Variants in MTOR observed in about 807,000 individuals in gnomAD.
The protein encoded by MTOR is mechanistic target of rapamycin kinase, also known as serine/threonine-protein kinase mTOR.
MTOR carries 70 observed loss-of-function variants against 319.8 expected under a neutral mutation model. That is an observed-to-expected ratio of 0.22 (90% CI 0.18 to 0.27). MTOR has a LOEUF of 0.27. Ranked by LOEUF, MTOR falls within the 10% of genes least tolerant of loss-of-function variation. The pLI, the probability that MTOR is intolerant of heterozygous loss-of-function variation, is 1.00. For missense variants in MTOR, 1,890 were observed against 3,274.4 expected, an observed-to-expected ratio of 0.58 and a Z score of 10.32; for synonymous variants, 1,183 against 1,211.4, an observed-to-expected ratio of 0.98 and a Z score of 0.49.
At chr1:11,236,630 T>A (rs1376829990) in intron 13 of MTOR, among the ~76,000 whole-genome samples, 4 of 150,806 alleles carry the variant, frequency 2.7e-5, no homozygotes, top group Non-Finnish European at 5.9e-5. Flanking sequence ...TGCACCAGCC[T>A]CCAGAGTAGC....
chr1:11,227,738 T>C (rs1646892299), intron 19 of MTOR, among the ~76,000 whole-genome samples: 1 of 152,154 alleles, frequency 6.6e-6, no homozygotes, highest in Non-Finnish European at 1.5e-5. Context: ...GGAGAAGGAA[T>C]AGCAAAATTA....
chr1:11,252,539 T>C (rs1016614550), intron 6 of MTOR, among the ~76,000 whole-genome samples: 1 of 152,048 alleles, frequency 6.6e-6, no homozygotes, highest in Non-Finnish European at 1.5e-5. Flanking sequence ...ATGAGGTAGG[T>C]AAGAGCCCCT....
chr1:11,146,813 G>T, intron 31 of MTOR, 22 bp from the exon 32 acceptor site: 3 of 1,582,844 alleles, frequency 1.9e-6, no homozygotes, highest in South Asian at 2.2e-5. Context: ...CACATAGACA[G>T]AAAGCATCAA....
chr1:11,107,030 T>C lies in MTOR; in HGVS notation c.*455A>G. ...TGGCAGGGGTGAGGTCAGCATCTTCTGTGTCTTTACAGTCTAGGATCCTAA... is the reference window on the plus strand; with the variant it reads ...TGGCAGGGGTGAGGTCAGCATCTTCCGTGTCTTTACAGTCTAGGATCCTAA... On this transcript the variant is annotated 3_prime_UTR_variant, in exon 58 of 58. Coordinates refer to ENST00000361445, the MANE Select transcript of MTOR (RefSeq NM_004958.4). 1 of 1,371,270 alleles carries C rather than the reference T, an allele frequency of 7.3e-7. No homozygotes were observed. Among genetic ancestry groups the C allele is most frequent in the Non-Finnish European group, 9.6e-7 (1 of 1,039,218 alleles). The allele number at this position is 1,371,270 out of a possible 1,614,324, so 84.9% of individuals were successfully genotyped here. A position where few individuals can be genotyped will look rare whatever the true frequency, so the allele number is the denominator to read the frequency against.
chr1:11,195,164 AG>A, intron 28 of MTOR: 1 of 953,262 alleles, frequency 1.0e-6, no homozygotes, highest in Non-Finnish European at 1.5e-6. Flanking sequence ...TAAGTCTCCA[AG>A]GAGCACAAAA....
At position 11,231,286 on chromosome 1, in the gene MTOR, G is replaced by A. The variant is rs371273764; in HGVS notation, c.2649+14C>T. On this transcript the variant is annotated intron_variant, in intron 17 of 57. Coordinates refer to ENST00000361445, the MANE Select transcript of MTOR (RefSeq NM_004958.4). ...AGCAAAGTCTTTAAAGACCAAGTTT[G>A]CCACGTCCCCTACCTCTCTGCGTGT... 3 of 1,613,548 alleles carry A rather than the reference G, an allele frequency of 1.9e-6. No homozygotes were observed. Among genetic ancestry groups the A allele is most frequent in the African/African-American group, 2.7e-5 (2 of 74,878 alleles).
At chr1:11,242,483 AAAGT>A (rs1437504790) in intron 9 of MTOR, among the ~76,000 whole-genome samples, 1 of 137,982 alleles carries the variant, frequency 7.2e-6, no homozygotes, top group African/African-American at 2.5e-5. Flanking sequence ...CTGGGCAACC[AAAGT>A]AAGACTCCAT....
At chr1:11,155,414 C>CA (rs906152603) in intron 30 of MTOR, among the ~76,000 whole-genome samples, 10 of 148,538 alleles carry the variant, frequency 6.7e-5, no homozygotes, top group Middle Eastern at 3.5e-3. Context: ...AAAATGGCAG[C>CA]AAAAAAAAAA....
intron 26 of MTOR, 39 bp downstream of exon 26, chr1:11,204,522 T>C: frequency 6.3e-7 from 1 of 1,579,412 alleles, no homozygotes; most frequent in Non-Finnish European, 8.6e-7. Context: ...TATCGTTTTC[T>C]ATGTGCTGAT....
chr1:11,123,736 C>T (rs778987540), intron 47 of MTOR, among the ~76,000 whole-genome samples: 37 of 151,770 alleles, frequency 2.4e-4, no homozygotes, highest in Non-Finnish European at 5.2e-4. Flanking sequence ...TCCAAAGTGT[C>T]GGGATTACAT....
intron 25 of MTOR, among the ~76,000 whole-genome samples, chr1:11,206,907 T>A (rs1646154721): frequency 1.3e-5 from 2 of 152,252 alleles, no homozygotes; most frequent in African/African-American, 4.8e-5. Context: ...TCTAGAAGTA[T>A]ACATAAATGG....
chr1:11,241,775 C>G (rs779306769), intron 9 of MTOR, 94 bp from the exon 10 acceptor site: 66 of 1,461,892 alleles, frequency 4.5e-5, no homozygotes, highest in Non-Finnish European at 5.9e-5. Flanking sequence ...GCAGGTTACT[C>G]AGGCAGGGCT....
At chr1:11,259,509 T>C (rs17229137) in intron 1 of MTOR, 86 bp from the exon 2 acceptor site, 19,654 of 1,405,266 alleles carry the variant, frequency 0.014, 196 homozygotes, top group Non-Finnish European at 0.016. Flanking sequence ...AACACAGATC[T>C]CCCCCTAGCC....
chr1:11,109,276 CAT>C lies in MTOR; in HGVS notation c.7528+12_7528+13del, dbSNP rs757450619. ...ATTTTATGTCCCTTTTAAGTAAACA[CAT>C]GACACACTCACCAGTGAGCTTATCT... On this transcript the variant is annotated intron_variant, in intron 56 of 57. Transcript: ENST00000361445. This position sits in a 1 kb window ranked among gnomAD's most constrained non-coding sequence, Gnocchi z 4.0. 28 of 1,611,826 alleles carry C rather than the reference CAT, an allele frequency of 1.7e-5. No homozygotes were observed. Among genetic ancestry groups the C allele is most frequent in the Non-Finnish European group, 4.2e-6 (5 of 1,178,726 alleles).
At chr1:11,122,425 T>C (rs1642582919) in intron 47 of MTOR, among the ~76,000 whole-genome samples, 1 of 151,204 alleles carries the variant, frequency 6.6e-6, no homozygotes, top group Non-Finnish European at 1.5e-5. Context: ...ATGGTCTCAA[T>C]CTCTTGACCT....
chr1:11,258,575 T>C lies in MTOR; in HGVS notation c.181A>G (p.Thr61Ala), dbSNP rs756658424. Reference protein sequence around the residue: ...ELREMSQEESTRFYDQLNHHI... With the variant: ...ELREMSQEESARFYDQLNHHI... The stretch of plus-strand genomic sequence containing the variant: ...TGGTTCAGTTGGTCATAGAAGCGAG[T>C]AGACTCCTCTTGACTCATCTGCAAA... The change falls in exon 3 of 58, where the codon ACT becomes GCT. Residue 61 changes from threonine (T) to alanine (A), a missense_variant. Physicochemically the swap from Thr to Ala is moderately conservative, Grantham distance 58. Transcript: ENST00000361445. 17 of 1,613,536 alleles carry C rather than the reference T, an allele frequency of 1.1e-5. No homozygotes were observed. The highest frequency in any genetic ancestry group is 1.4e-5 in the Non-Finnish European group (17 of 1,179,578).
At chr1:11,259,181 T>C (rs1294054325) in intron 2 of MTOR, 67 bp downstream of exon 2, 1 of 1,559,328 alleles carries the variant, frequency 6.4e-7, no homozygotes, top group East Asian at 2.4e-5. Context: ...CAAAAAAAAA[T>C]GTAAACCAGT....
chr1:11,253,784 C>T (rs771362277), intron 6 of MTOR, 55 bp downstream of exon 6: 161 of 1,604,548 alleles, frequency 1.0e-4, no homozygotes, highest in Non-Finnish European at 1.2e-4. Context: ...CGCCTTGCCT[C>T]GCTCACAGAA....
chr1:11,250,213 C>T (rs1378234077), intron 6 of MTOR, among the ~76,000 whole-genome samples: 4 of 88,922 alleles, frequency 4.5e-5, no homozygotes, highest in Non-Finnish European at 8.5e-5. Context: ...GGCGGCTGGC[C>T]GGGCGGGGGG....
Sources: allele counts gnomAD v4.1 joint callset (sites outside exome capture counted in the v4.1 genomes callset), GRCh38; gene constraint gnomAD v4.1.1; non-coding constraint Gnocchi (gnomAD v3.1); transcripts MANE v1.5; gene names NCBI Gene and HGNC (gene_info 2026-07-23, HGNC 2026-07-21).